Variants in PRELID2 observed in about 807,000 individuals in gnomAD.
PRELID2 encodes the protein PRELI domain containing 2.
Under a neutral mutation model 28.4 loss-of-function variants are expected in PRELID2, and 25 were observed. The observed-to-expected ratio is 0.88, with a 90% CI of 0.64 to 1.23. The LOEUF (loss-of-function observed/expected upper bound fraction) is 1.23, where lower values mean the gene tolerates loss of function less well. Ranked by LOEUF, PRELID2 falls within the 50% of genes most tolerant of loss-of-function variation. The pLI is 0.00. For synonymous variants in PRELID2, 76 were observed against 71.6 expected, an observed-to-expected ratio of 1.06 and a Z score of -0.31; for missense variants, 201 against 214.4, an observed-to-expected ratio of 0.94 and a Z score of 0.39.
At chr5:145,684,009 C>T (rs1754988784) in intron 1 of PRELID2, among the ~76,000 whole-genome samples, 1 of 152,174 alleles carries the variant, frequency 6.6e-6, no homozygotes, top group Non-Finnish European at 1.5e-5. Context: ...GGAAGCAAAA[C>T]AGTCTCCAAC....
rs1209996552 is a variant in PRELID2 at position 145,595,401 on chromosome 5, CCAAAT to C, written n.71-122091_71-122087del. Among the ~76,000 whole-genome samples the C allele has an allele frequency of 2.0e-5, 3 of 152,124 alleles. No individual in the cohort carries two copies. In the East Asian group the frequency reaches 5.8e-4, roughly 29 times the overall value. On this transcript the variant is annotated intron_variant and non_coding_transcript_variant, in intron 1 of 2. Coordinates refer to the PRELID2 transcript ENST00000510259. ...AAAGGTGGGTTGTAGTTTGGAAGCA[CCAAAT>C]CAAAGAGCTCAAAATTATCATAGAC...
At chr5:145,819,683 T>C (rs1405077893) in intron 3 of PRELID2, 2 of 565,896 alleles carry the variant, frequency 3.5e-6, no homozygotes, top group African/African-American at 1.9e-5. Context: ...TCATGCAAAA[T>C]GCCAAAAGTA....
intron 1 of PRELID2, among the ~76,000 whole-genome samples, chr5:145,627,858 T>G (rs532200937): frequency 6.6e-6 from 1 of 152,266 alleles, no homozygotes; most frequent in African/African-American, 2.4e-5. Flanking sequence ...CCCTTTCCAT[T>G]TCCTTATATG....
chr5:145,631,227 A>G lies in PRELID2; in HGVS notation n.70+133704T>C, dbSNP rs545206093. ...CCAGCTTTCTGTGGAATGTTATCAC[A>G]CAACAAAGTCTCTTCTAGGAAACTA... On this transcript the variant is annotated intron_variant and non_coding_transcript_variant, in intron 1 of 2. Transcript: ENST00000510259. 2.6e-5 allele frequency among the ~76,000 whole-genome samples: 4 copies of G among 152,306 alleles called. No individual in the cohort carries two copies. In the South Asian group the frequency reaches 8.3e-4, roughly 32 times the overall value.
At chr5:145,268,316 T>C in the PRELID2 span, among the ~76,000 whole-genome samples, 12 of 149,938 alleles carry the variant, frequency 8.0e-5, no homozygotes, top group East Asian at 1.7e-3. Context: ...TATTTTTCTA[T>C]ATGGCAAAAG....
the PRELID2 span, among the ~76,000 whole-genome samples, chr5:145,412,479 A>G: frequency 6.6e-6 from 1 of 152,200 alleles, no homozygotes; most frequent in Non-Finnish European, 1.5e-5. Flanking sequence ...TTCATTGTTC[A>G]TATCACTATA....
chr5:145,718,660 C>T (rs1755905112), intron 1 of PRELID2, among the ~76,000 whole-genome samples: 1 of 151,702 alleles, frequency 6.6e-6, no homozygotes, highest in East Asian at 1.9e-4. Flanking sequence ...TTTATTAAGC[C>T]ATAAAAATTA....
At chr5:145,807,152 G>A (rs909922695) in intron 4 of PRELID2, among the ~76,000 whole-genome samples, 1 of 151,996 alleles carries the variant, frequency 6.6e-6, no homozygotes, top group African/African-American at 2.4e-5. Context: ...TGACTATGAC[G>A]TTACTAGCCA....
At chr5:145,682,268 C>T (rs1401996651) in intron 1 of PRELID2, among the ~76,000 whole-genome samples, 1 of 152,150 alleles carries the variant, frequency 6.6e-6, no homozygotes, top group Admixed American at 6.5e-5. Flanking sequence ...TAGAATTTTT[C>T]TATTAGTTTT....
intron 1 of PRELID2, among the ~76,000 whole-genome samples, chr5:145,475,166 G>A (rs954748739): frequency 6.6e-6 from 1 of 152,092 alleles, no homozygotes; most frequent in Admixed American, 6.6e-5. Context: ...GGCACTTTAC[G>A]AACACTTGTT....
intron 1 of PRELID2, among the ~76,000 whole-genome samples, chr5:145,741,259 AAT>A (rs1756719380): frequency 9.2e-6 from 1 of 108,816 alleles, no homozygotes; most frequent in South Asian, 2.7e-4. Flanking sequence ...ATATATAAAT[AAT>A]ATATATTTAT....
intron 1 of PRELID2, among the ~76,000 whole-genome samples, chr5:145,719,975 A>G (rs1232187076): frequency 6.6e-6 from 1 of 151,948 alleles, no homozygotes; most frequent in Non-Finnish European, 1.5e-5. Flanking sequence ...AAAATGAAAA[A>G]TTAAATTACA....
the PRELID2 span, among the ~76,000 whole-genome samples, chr5:145,389,634 T>C: frequency 6.6e-6 from 1 of 152,240 alleles, no homozygotes; most frequent in South Asian, 2.1e-4. Context: ...CCAAATGAAT[T>C]GAAATTAAAA....
At chr5:145,553,430 G>T (rs1752854807) in intron 1 of PRELID2, among the ~76,000 whole-genome samples, 1 of 152,202 alleles carries the variant, frequency 6.6e-6, no homozygotes, top group South Asian at 2.1e-4. Flanking sequence ...TCCATCCTTA[G>T]CTAGCTACGT....
chr5:145,817,220 A>AAATAT (rs1554099385), intron 4 of PRELID2, among the ~76,000 whole-genome samples: 99 of 66,504 alleles, frequency 1.5e-3, no homozygotes, highest in African/African-American at 3.9e-3. Flanking sequence ...AATAAAAAAA[A>AAATAT]ATATATATAT....
the PRELID2 span, among the ~76,000 whole-genome samples, chr5:145,237,558 G>A: frequency 1.3e-5 from 2 of 152,052 alleles, no homozygotes; most frequent in Admixed American, 6.6e-5. Context: ...GAGAGGTGGT[G>A]ACACAGATGA....
chr5:145,351,001 T>C, the PRELID2 span, among the ~76,000 whole-genome samples: 1 of 152,076 alleles, frequency 6.6e-6, no homozygotes, highest in South Asian at 2.1e-4. Context: ...GTCAATGAGA[T>C]AAATATTTGG....
chr5:145,353,309 A>C, the PRELID2 span, among the ~76,000 whole-genome samples: 54 of 152,082 alleles, frequency 3.6e-4, no homozygotes, highest in Admixed American at 1.0e-3. Flanking sequence ...CACACACACA[A>C]AAAATCAGCT....
chr5:145,761,336 T>C (rs1233440409), intron 6 of PRELID2, among the ~76,000 whole-genome samples: 1 of 152,218 alleles, frequency 6.6e-6, no homozygotes, highest in Middle Eastern at 3.2e-3. Context: ...TGTACGCGCA[T>C]TGGAACTTTA....
Sources: gnomAD v4.1 joint callset for allele counts (sites outside exome capture counted in the v4.1 genomes callset) on GRCh38, gnomAD v4.1.1 for gene constraint, MANE v1.5 for transcripts, NCBI Gene and HGNC (gene_info 2026-07-23, HGNC 2026-07-21) for gene names.